MYH15: variants seen among roughly 807,000 people sequenced by gnomAD.
MYH15 encodes the protein myosin heavy chain 15.
A neutral mutation model predicts 240.5 loss-of-function variants in MYH15; 227 were observed. The ratio of observed to expected loss-of-function variants is 0.94; its 90% CI spans 0.85 to 1.05. The LOEUF (loss-of-function observed/expected upper bound fraction) is 1.05. Ranked by LOEUF, MYH15 falls within the 50% of genes least tolerant of loss-of-function variation. The pLI is 0.00. For synonymous variants in MYH15, 785 were observed against 796.7 expected (o/e 0.99, Z 0.25); for missense variants, 2,217 against 2,247.5 (o/e 0.99, Z 0.27).
chr3:108,440,988 C>T (rs1446966450), intron 23 of MYH15, 30 bp downstream of exon 23: 1 of 1,611,348 alleles, frequency 6.2e-7, no homozygotes, highest in East Asian at 2.2e-5. Context: ...GGCTGCTAGG[C>T]CTTCTTAACT....
chr3:108,486,909 G>C (rs928609135), intron 9 of MYH15, among the ~76,000 whole-genome samples: 1 of 152,234 alleles, frequency 6.6e-6, no homozygotes, highest in Admixed American at 6.5e-5. Flanking sequence ...GAGGATAAAA[G>C]TATTTTGTAA....
upstream of MYH15, among the ~76,000 whole-genome samples, chr3:108,533,723 T>C (rs1164453181): frequency 6.6e-6 from 1 of 152,190 alleles, no homozygotes. Context: ...CCAGAATACA[T>C]GTCATAGGTC....
At chr3:108,385,197 A>G (rs932386248) in intron 38 of MYH15, among the ~76,000 whole-genome samples, 4 of 152,248 alleles carry the variant, frequency 2.6e-5, no homozygotes, top group African/African-American at 9.6e-5. Context: ...ATAGCTAAAT[A>G]AAAAGCTGTA....
intron 30 of MYH15, among the ~76,000 whole-genome samples, chr3:108,412,156 G>A (rs1307622827): frequency 6.6e-6 from 1 of 152,204 alleles, no homozygotes; most frequent in African/African-American, 2.4e-5. Flanking sequence ...TGGTTTGGCT[G>A]TGTCCCCACC....
In MYH15 at chr3:108,399,278, A is replaced by G. The variant is rs1042381959; in HGVS notation, c.4737-11T>C. On this transcript the variant is annotated splice_polypyrimidine_tract_variant and intron_variant, in intron 33 of 40. Transcript: ENST00000693548. ...CACTGCTGCTTCCTCCTAATTTGAA[A>G]TAACATTTGGAGTGGGGGAAATGAC... 1 of 1,601,568 alleles carries G rather than the reference A, an allele frequency of 6.2e-7. No individual in the cohort carries two copies. Among genetic ancestry groups the G allele is most frequent in the Non-Finnish European group, 8.5e-7 (1 of 1,169,988 alleles).
At chr3:108,529,263 C>A in exon 1 of MYH15, 1 of 1,603,290 alleles carries the variant, frequency 6.2e-7, no homozygotes, top group Non-Finnish European at 8.5e-7. Context: ...GTCCACTCAC[C>A]ATGATCTTTT....
chr3:108,433,998 T>C (rs2082803689), intron 25 of MYH15, among the ~76,000 whole-genome samples: 1 of 152,096 alleles, frequency 6.6e-6, no homozygotes, highest in Non-Finnish European at 1.5e-5. Context: ...AGTTTCATTT[T>C]CCTTACTGTG....
At chr3:108,445,397 T>C (rs1244845732) in intron 21 of MYH15, among the ~76,000 whole-genome samples, 2 of 152,010 alleles carry the variant, frequency 1.3e-5, no homozygotes, top group Non-Finnish European at 2.9e-5. Flanking sequence ...TCTGATTTGG[T>C]GTGAGTGAAG....
chr3:108,449,256 T>G (rs2082953043), intron 21 of MYH15, among the ~76,000 whole-genome samples: 1 of 151,880 alleles, frequency 6.6e-6, no homozygotes, highest in Non-Finnish European at 1.5e-5. Flanking sequence ...TTCCTAAAAT[T>G]TATATGGAAC....
chr3:108,500,309 A>C, intron 3 of MYH15, 35 bp from the exon 4 acceptor site: 1 of 1,584,636 alleles, frequency 6.3e-7, no homozygotes, highest in South Asian at 1.1e-5. Flanking sequence ...CAGAAACTAG[A>C]TTAGAAATAC....
chr3:108,398,509 T>TA, intron 35 of MYH15, 128 bp downstream of exon 35: 1 of 853,376 alleles, frequency 1.2e-6, no homozygotes, highest in Non-Finnish European at 2.0e-6. Flanking sequence ...AGTATGAACA[T>TA]GCCTTGCTTC....
At chr3:108,384,059 C>T (rs2082364184) in intron 39 of MYH15, among the ~76,000 whole-genome samples, 1 of 152,030 alleles carries the variant, frequency 6.6e-6, no homozygotes, top group African/African-American at 2.4e-5. Flanking sequence ...CCTATTCTAC[C>T]CCTGGGTAGA....
chr3:108,454,748 C>T (rs75329019), intron 20 of MYH15, among the ~76,000 whole-genome samples: 1 of 152,086 alleles, frequency 6.6e-6, no homozygotes, highest in African/African-American at 2.4e-5. Flanking sequence ...TGATTACTAA[C>T]AAACAAGGTG....
intron 5 of MYH15, among the ~76,000 whole-genome samples, 154 bp from the exon 6 acceptor site, chr3:108,498,299 T>C (rs2083409694): frequency 6.6e-6 from 1 of 152,124 alleles, no homozygotes; most frequent in African/African-American, 2.4e-5. Flanking sequence ...TGACATTTAA[T>C]TGGTTGGGAG....
At chr3:108,416,515 T>C (rs925257003) in intron 29 of MYH15, among the ~76,000 whole-genome samples, 29 of 152,204 alleles carry the variant, frequency 1.9e-4, no homozygotes, top group Non-Finnish European at 5.9e-5. Flanking sequence ...TTCACTTTTT[T>C]ATGAGCAGTT....
intron 16 of MYH15, among the ~76,000 whole-genome samples, chr3:108,462,553 G>C (rs915951400): frequency 1.3e-5 from 2 of 152,086 alleles, no homozygotes; most frequent in Admixed American, 6.5e-5. Flanking sequence ...TGTCAGGTAA[G>C]AAATGAGTAA....
chr3:108,505,437 T>C (rs1261893973), intron 2 of MYH15, among the ~76,000 whole-genome samples: 1 of 152,088 alleles, frequency 6.6e-6, no homozygotes, highest in African/African-American at 2.4e-5. Context: ...GACTGGTTTA[T>C]TTTTGTATTT....
chr3:108,484,542 G>A (rs190888138), intron 11 of MYH15, among the ~76,000 whole-genome samples: 4 of 152,106 alleles, frequency 2.6e-5, no homozygotes, highest in African/African-American at 7.2e-5. Context: ...GCAGTGGAGC[G>A]ATCTCGGCTC....
chr3:108,534,876 C>T, the MYH15 span, among the ~76,000 whole-genome samples: 1 of 151,862 alleles, frequency 6.6e-6, no homozygotes, highest in African/African-American at 2.4e-5. Flanking sequence ...GAAACATTGT[C>T]TCTTAAAAAA....
Sources: allele counts gnomAD v4.1 joint callset (sites outside exome capture counted in the v4.1 genomes callset), GRCh38; gene constraint gnomAD v4.1.1; transcripts MANE v1.5; gene names NCBI Gene and HGNC (gene_info 2026-07-23, HGNC 2026-07-21).